Variants in EYS observed in about 807,000 individuals in gnomAD.
EYS encodes the protein protein eyes shut homolog.
Under a neutral mutation model 282.1 loss-of-function variants are expected in EYS, and 250 were observed. That is an observed-to-expected ratio of 0.89 (90% CI 0.80 to 0.98). The LOEUF is 0.98. Ranked by LOEUF, EYS falls within the 50% of genes least tolerant of loss-of-function variation. The pLI is 0.00. For synonymous variants in EYS, 1,355 were observed against 1,282.9 expected (o/e 1.06, Z -1.20); for missense variants, 4,016 against 3,709.0 (o/e 1.08, Z -2.15).
intron 16 of EYS, among the ~76,000 whole-genome samples, chr6:64,903,291 T>G (rs531016880): frequency 6.6e-6 from 1 of 152,294 alleles, no homozygotes; most frequent in South Asian, 2.1e-4. Context: ...GCTTTTTCAG[T>G]GATATTACCA....
chr6:64,321,632 A>C (rs1341842833), intron 29 of EYS, among the ~76,000 whole-genome samples: 1 of 151,934 alleles, frequency 6.6e-6, no homozygotes, highest in Admixed American at 6.6e-5. Context: ...CTCATAAATC[A>C]TTCCAAGGCT....
chr6:64,877,384 G>A (rs1468207345), intron 19 of EYS, among the ~76,000 whole-genome samples: 1 of 152,126 alleles, frequency 6.6e-6, no homozygotes, highest in Non-Finnish European at 1.5e-5. Context: ...AAGATTCATA[G>A]AACATATTTG....
chr6:64,323,610 A>C (rs1030717914), intron 29 of EYS, among the ~76,000 whole-genome samples: 1 of 152,132 alleles, frequency 6.6e-6, no homozygotes, highest in Non-Finnish European at 1.5e-5. Flanking sequence ...AAATATAACT[A>C]CTTCAGTATA....
At chr6:64,768,050 G>A (rs1744007129) in intron 22 of EYS, among the ~76,000 whole-genome samples, 1 of 151,794 alleles carries the variant, frequency 6.6e-6, no homozygotes, top group Admixed American at 6.6e-5. Flanking sequence ...ATTATTTGAT[G>A]AATAAATTAT....
intron 22 of EYS, among the ~76,000 whole-genome samples, chr6:64,778,155 A>G (rs1773736798): frequency 6.6e-6 from 1 of 152,152 alleles, no homozygotes; most frequent in Non-Finnish European, 1.5e-5. Flanking sequence ...ACAGGAGCGA[A>G]TGCCTTCATG....
At chr6:64,913,965 G>A (rs1204100926) in intron 15 of EYS, among the ~76,000 whole-genome samples, 1 of 152,094 alleles carries the variant, frequency 6.6e-6, no homozygotes, top group Non-Finnish European at 1.5e-5. Context: ...GCTCAGTCTA[G>A]TCCTCCATCC....
intron 5 of EYS, among the ~76,000 whole-genome samples, chr6:65,485,641 C>A (rs937621850): frequency 6.6e-6 from 1 of 152,162 alleles, no homozygotes; most frequent in Non-Finnish European, 1.5e-5. Context: ...CCCGTCACTA[C>A]TAAAAATACA....
In EYS at chr6:64,822,805, T is replaced by A. The variant is rs781222768; in HGVS notation, c.3010A>T (p.Asn1004Tyr). The A allele has an allele frequency of 1.3e-6, 2 of 1,549,336 alleles. No homozygotes were observed. The highest frequency in any genetic ancestry group is 2.5e-5 in the East Asian group (1 of 40,810). ...GGCTCTGATAGGCATTCATCTAGAT[T>A]TATTTCACAGTTGATGCCTGTGTTG... Reference protein sequence around the residue: ...PGYTGINCEINLDECLSEPCL... With the variant: ...PGYTGINCEIYLDECLSEPCL... Residue 1004 changes from asparagine (N) to tyrosine (Y), a missense_variant, in exon 20 of 43, where the codon AAT becomes TAT. Transcript: ENST00000503581.
intron 2 of EYS, among the ~76,000 whole-genome samples, chr6:65,632,467 A>T (rs546124101): frequency 1.3e-5 from 2 of 152,118 alleles, no homozygotes; most frequent in Admixed American, 6.5e-5. Context: ...TAAAGACAAA[A>T]ATACAAATTT....
intron 1 of EYS, among the ~76,000 whole-genome samples, chr6:65,690,903 A>G (rs112562414): frequency 0.38 from 56,425 of 149,628 alleles, 14,342 homozygotes; most frequent in Non-Finnish European, 0.52. Flanking sequence ...CCCCACAAAG[A>G]ACATGAACTC....
intron 26 of EYS, among the ~76,000 whole-genome samples, chr6:64,510,260 G>T (rs1337665688): frequency 6.6e-6 from 1 of 152,060 alleles, no homozygotes; most frequent in Non-Finnish European, 1.5e-5. Flanking sequence ...TGGAAATAAT[G>T]AATATGTACT....
chr6:64,765,595 G>T (rs925847914), intron 22 of EYS, among the ~76,000 whole-genome samples: 1 of 152,092 alleles, frequency 6.6e-6, no homozygotes, highest in South Asian at 2.1e-4. Context: ...TCATTGAATC[G>T]CAGTTCCTCA....
chr6:65,519,240 T>C (rs1202159400), intron 2 of EYS, among the ~76,000 whole-genome samples: 2 of 152,114 alleles, frequency 1.3e-5, no homozygotes, highest in East Asian at 3.9e-4. Flanking sequence ...TTTATCAATT[T>C]TGCATCTATT....
At chr6:64,153,835 C>T (rs1372525127) in intron 31 of EYS, among the ~76,000 whole-genome samples, 4 of 152,120 alleles carry the variant, frequency 2.6e-5, no homozygotes, top group Admixed American at 2.0e-4. Flanking sequence ...CACAAAGACA[C>T]CTTTACAAAA....
At chr6:63,991,115 G>A (rs1252640213) in intron 34 of EYS, among the ~76,000 whole-genome samples, 9 of 151,704 alleles carry the variant, frequency 5.9e-5, no homozygotes, top group African/African-American at 2.2e-4. Context: ...GGGAGCAAGA[G>A]ATTATGAGCT....
chr6:65,287,890 G>T (rs1323950645), intron 12 of EYS, among the ~76,000 whole-genome samples: 1 of 151,036 alleles, frequency 6.6e-6, no homozygotes, highest in Non-Finnish European at 1.5e-5. Flanking sequence ...TTTCAAAAAA[G>T]TTTCTAGAGC....
At chr6:64,945,999 ATC>A in intron 14 of EYS, 85 bp from the exon 15 acceptor site, 1 of 1,025,422 alleles carries the variant, frequency 9.8e-7, no homozygotes, top group South Asian at 2.5e-5. Context: ...CCATTTTGAT[ATC>A]TCTGTCAATT....
intron 2 of EYS, among the ~76,000 whole-genome samples, chr6:65,543,903 G>A (rs1279150473): frequency 3.3e-5 from 5 of 152,150 alleles, no homozygotes; most frequent in African/African-American, 1.2e-4. Flanking sequence ...AAGGGTATGA[G>A]GGAGCATAGT....
chr6:64,100,008 A>G (rs1210482810), intron 31 of EYS, among the ~76,000 whole-genome samples: 1 of 152,168 alleles, frequency 6.6e-6, no homozygotes, highest in Non-Finnish European at 1.5e-5. Flanking sequence ...TCAAGATGCT[A>G]AACCGTCTCA....
Sources: gnomAD v4.1 joint callset for allele counts (sites outside exome capture counted in the v4.1 genomes callset) on GRCh38, gnomAD v4.1.1 for gene constraint, MANE v1.5 for transcripts, NCBI Gene and HGNC (gene_info 2026-07-23, HGNC 2026-07-21) for gene names.